CCNL2: variants seen among roughly 807,000 people sequenced by gnomAD.
CCNL2 encodes the protein cyclin-L2.
In CCNL2, 28 loss-of-function variants were observed where a neutral mutation model predicts 59.1. That is an observed-to-expected ratio of 0.47 (90% CI 0.35 to 0.65). CCNL2 has a LOEUF of 0.65. Among genes scored for constraint, CCNL2 ranks in the 30% least tolerant of loss-of-function variants. The pLI is 0.00. For missense variants in CCNL2, 714 were observed against 717.4 expected (o/e 1.00, Z 0.05); for synonymous variants, 342 against 288.6 (o/e 1.19, Z -1.88).
chr1:1,395,452 G>A lies in CCNL2; in HGVS notation c.536C>T (p.Ala179Val), dbSNP rs201610183. The A allele has an allele frequency of 5.6e-6, 9 of 1,613,994 alleles. No individual in the cohort carries two copies. The highest frequency in any genetic ancestry group is 4.0e-5 in the African/African-American group (3 of 74,894). Residue 179 changes from alanine to valine, a missense_variant, in exon 4 of 11, where the codon GCG (alanine) becomes GTG (valine). Transcript: ENST00000400809. ...YVNLKNQIIKAERRVLKELGF... is the reference protein window; with the variant it reads ...YVNLKNQIIKVERRVLKELGF... ...CAACTCTTTGAGAACTCGTCTTTCC[G>A]CCTTTATAATTTGGTTCTTTAAATT...
At position 1,399,083 on chromosome 1, in the gene CCNL2, G is replaced by T; in HGVS notation, c.224C>A (p.Thr75Asn). ...MSSGLDTDTE[T>N]DLRVVGCELI... ...CTCGCAGCCCACCACGCGGAGGTCG[G>T]TCTCTGTGTCGGTGTCGAGGCCGCT... Residue 75 changes from threonine to asparagine, a missense_variant, in exon 1 of 11, where the codon ACC becomes AAC. By Grantham distance (65) the Thr-to-Asn change is moderately conservative. This residue lies in a region of CCNL2 where 270 missense variants were observed against 254.9 expected (regional missense o/e 1.06). Transcript: ENST00000400809. 6.2e-7 allele frequency: 1 copy of T among 1,611,640 alleles called. No individual in the cohort carries two copies. The highest frequency in any genetic ancestry group is 8.5e-7 in the Non-Finnish European group (1 of 1,179,386).
At chr1:1,398,900 C>G (rs1645206441) in intron 1 of CCNL2, 119 bp downstream of exon 1, 3 of 1,246,004 alleles carry the variant, frequency 2.4e-6, no homozygotes, top group African/African-American at 3.7e-5. Flanking sequence ...AGGCTGGGGT[C>G]GGGGCAGGGG....
rs568848944 is a variant in CCNL2 at position 1,395,669 on chromosome 1, G to A, written c.474-155C>T. The A allele has an allele frequency of 1.1e-4, 116 of 1,024,268 alleles. 2 individuals carry two copies. In the South Asian group the frequency reaches 1.2e-3, roughly 10 times the overall value. The allele number at this position is 1,024,268 out of a possible 1,614,324, so 63.4% of individuals were successfully genotyped here. On this transcript the variant is annotated intron_variant, in intron 3 of 10. Coordinates refer to ENST00000400809, the MANE Select transcript of CCNL2 (RefSeq NM_030937.6). ...CCTCTGATGAACAAAACTGCACACC[G>A]CTCCCCACAGCCCAGTGCCAACCTC... is the stretch of plus-strand genomic sequence containing the variant.
Position 1,387,880 on chromosome 1 carries a change from G to C in CCNL2, c.1119-11C>G. ...CGCCCCTTTGGCAAGCTGTGAACAGGACAGGAGCCAGTTACAAAGCAGAAG... is the reference window on the plus strand; with the variant it reads ...CGCCCCTTTGGCAAGCTGTGAACAGCACAGGAGCCAGTTACAAAGCAGAAG... On this transcript the variant is annotated splice_polypyrimidine_tract_variant and intron_variant, in intron 9 of 10. Transcript: ENST00000400809. The C allele has an allele frequency of 6.2e-7, 1 of 1,613,828 alleles. No individual in the cohort carries two copies.
At chr1:1,393,667 G>A (rs1477486476) in intron 4 of CCNL2, among the ~76,000 whole-genome samples, 1 of 152,248 alleles carries the variant, frequency 6.6e-6, no homozygotes, top group Non-Finnish European at 1.5e-5. Flanking sequence ...GCATGCCCGT[G>A]AGCCCAGCCA....
chr1:1,397,320 G>A (rs1047099181), intron 3 of CCNL2, among the ~76,000 whole-genome samples: 1 of 151,506 alleles, frequency 6.6e-6, no homozygotes, highest in Non-Finnish European at 1.5e-5. Flanking sequence ...TTGGAAACAG[G>A]GCCTCACCCT....
intron 3 of CCNL2, 100 bp from the exon 4 acceptor site, chr1:1,395,614 CACAACACA>C: frequency 6.6e-7 from 1 of 1,505,378 alleles, no homozygotes; most frequent in South Asian, 1.2e-5. Flanking sequence ...ACACAAACCC[CACAACACA>C]ACATCGCTAT....
intron 4 of CCNL2, 41 bp from the exon 5 acceptor site, chr1:1,393,501 A>G (rs1206971518): frequency 6.4e-7 from 1 of 1,562,882 alleles, no homozygotes; most frequent in African/African-American, 1.4e-5. Flanking sequence ...AAGAACCTTA[A>G]GAGCCCAGAA....
intron 8 of CCNL2, 157 bp from the exon 9 acceptor site, chr1:1,388,222 A>G (rs969810388): frequency 1.4e-5 from 9 of 628,798 alleles, no homozygotes; most frequent in African/African-American, 9.1e-5. Context: ...TTACACAGAC[A>G]TCACAGAAAT....
rs936725649 is a variant in CCNL2, at chr1:1,390,899, C to G, written c.660-34G>C. 4.5e-6 allele frequency: 7 copies of G among 1,562,928 alleles called. No individual in the cohort carries two copies. In the African/African-American group the frequency reaches 9.5e-5, roughly 21 times the overall value. ...CAAACACAGGAAGAACTGCAATGCC[C>G]CACCCGGGAACCCAGGTCTTCCGCC... On this transcript the variant is annotated intron_variant, in intron 5 of 10. Transcript: ENST00000400809.
At chr1:1,392,786 T>C in intron 5 of CCNL2, 1 of 1,612,366 alleles carries the variant, frequency 6.2e-7, no homozygotes, top group Non-Finnish European at 8.5e-7. Context: ...TCTTAGTCAC[T>C]TACCCTCAGA....
At chr1:1,387,627 G>A (rs761394886) in intron 10 of CCNL2, 45 bp from the exon 11 acceptor site, 32 of 1,446,584 alleles carry the variant, frequency 2.2e-5, no homozygotes, top group Admixed American at 4.8e-5. Flanking sequence ...CATCTGGCCC[G>A]GCCAGGCCCC....
intron 5 of CCNL2, chr1:1,392,831 A>G (rs1363128327): frequency 2.5e-6 from 4 of 1,609,924 alleles, no homozygotes; most frequent in African/African-American, 1.3e-5. Context: ...CAGAAAAGAA[A>G]AGTCAAAATA....
intron 8 of CCNL2, chr1:1,388,376 C>T (rs1184621829): frequency 1.3e-5 from 5 of 394,582 alleles, no homozygotes; most frequent in Non-Finnish European, 2.4e-5. Flanking sequence ...CAAAAATTAG[C>T]TGGGCTTGGT....
At chr1:1,391,760 G>C (rs1644775180) in intron 5 of CCNL2, 1 of 348,538 alleles carries the variant, frequency 2.9e-6, no homozygotes, top group Non-Finnish European at 5.6e-6. Flanking sequence ...GCTACATTTT[G>C]AGCATTTCCT....
Position 1,388,171 on chromosome 1 carries a change from A to G in CCNL2, c.1007-106T>C, listed in dbSNP as rs1372882397. ...CCCTCTACAGGTCAAACAGCGACGC[A>G]AGCAGACTGTAACTTCCGGCTCCCA... is the stretch of plus-strand genomic sequence containing the variant. On this transcript the variant is annotated intron_variant, in intron 8 of 10. Coordinates refer to ENST00000400809, the MANE Select transcript of CCNL2 (RefSeq NM_030937.6). The G allele has an allele frequency of 3.6e-6, 3 of 841,302 alleles. No homozygotes were observed. The African/African-American group carries it at 5.0e-5, about 14-fold the overall frequency. The allele number at this position is 841,302 out of a possible 1,614,324, so 52.1% of individuals were successfully genotyped here.
intron 4 of CCNL2, among the ~76,000 whole-genome samples, chr1:1,393,881 C>CT (rs1404799030): frequency 6.6e-6 from 1 of 152,228 alleles, no homozygotes; most frequent in Non-Finnish European, 1.5e-5. Flanking sequence ...AATCCCAGCA[C>CT]TTTGGGAGGC....
At position 1,399,331 on chromosome 1, in the gene CCNL2, C is replaced by G. The variant is rs554392807; in HGVS notation, c.-25G>C. 2.1e-6 allele frequency: 3 copies of G among 1,430,488 alleles called. No individual in the cohort carries two copies. The South Asian group carries it at 4.5e-5, about 21-fold the overall frequency. The allele number at this position is 1,430,488 out of a possible 1,614,324, so 88.6% of individuals were successfully genotyped here. A position where few individuals can be genotyped will look rare whatever the true frequency, so the allele number is the denominator to read the frequency against. On this transcript the variant is annotated 5_prime_UTR_variant, in exon 1 of 11. Transcript: ENST00000400809. ...TTTTGTGCCGCCGACTCCCCTTCGGCTTCTTCCCTCAGGGCGGCTCCTCGC... is the reference window on the plus strand; with the variant it reads ...TTTTGTGCCGCCGACTCCCCTTCGGGTTCTTCCCTCAGGGCGGCTCCTCGC...
intron 5 of CCNL2, chr1:1,393,070 G>A: frequency 1.7e-6 from 1 of 593,794 alleles, no homozygotes. Context: ...GACCAAGTCT[G>A]CACTAGCCTG....
Sources: allele counts gnomAD v4.1 joint callset (sites outside exome capture counted in the v4.1 genomes callset), GRCh38; gene constraint gnomAD v4.1.1; regional missense constraint gnomAD v4.1.1; transcripts MANE v1.5; gene names NCBI Gene and HGNC (gene_info 2026-07-23, HGNC 2026-07-21).